The following ROS1 variants were observed in gnomAD, a reference collection of about 807,000 sequenced individuals.
ROS1 encodes ROS proto-oncogene 1, receptor tyrosine kinase, also known as proto-oncogene tyrosine-protein kinase ROS.
In ROS1, 263 loss-of-function variants were observed where a neutral mutation model predicts 273.5. The ratio of observed to expected loss-of-function variants is 0.96; its 90% CI spans 0.87 to 1.06. ROS1 has a LOEUF of 1.06. Ranked by LOEUF, ROS1 falls within the 50% of genes least tolerant of loss-of-function variation. The pLI, the probability that ROS1 is intolerant of heterozygous loss-of-function variation, is 0.00. For missense variants in ROS1, 2,833 were observed against 2,751.1 expected (o/e 1.03, Z -0.67); for synonymous variants, 1,008 against 954.1 (o/e 1.06, Z -1.04).
intron 12 of ROS1, among the ~76,000 whole-genome samples, chr6:117,392,594 T>C (rs1220462313): frequency 6.6e-6 from 1 of 152,218 alleles, no homozygotes; most frequent in Non-Finnish European, 1.5e-5. Flanking sequence ...ACTGGGTAAG[T>C]ATTATTACCT....
At chr6:117,372,023 G>T (rs891664485) in intron 18 of ROS1, among the ~76,000 whole-genome samples, 1 of 152,068 alleles carries the variant, frequency 6.6e-6, no homozygotes, top group African/African-American at 2.4e-5. Flanking sequence ...TCTCTTGGGG[G>T]CTCTATAGCC....
chr6:117,374,518 C>T (rs1387644927), intron 18 of ROS1, among the ~76,000 whole-genome samples: 1 of 152,172 alleles, frequency 6.6e-6, no homozygotes, highest in African/African-American at 2.4e-5. Context: ...AAAACCTTAA[C>T]AATTCTAGAA....
chr6:117,332,409 C>T (rs920722809), intron 32 of ROS1, among the ~76,000 whole-genome samples: 3 of 152,158 alleles, frequency 2.0e-5, no homozygotes, highest in African/African-American at 7.2e-5. Flanking sequence ...AACTTCAACA[C>T]CCCACTGCCA....
intron 36 of ROS1, 133 bp downstream of exon 36, chr6:117,321,126 G>C (rs983475459): frequency 1.1e-6 from 1 of 898,578 alleles, no homozygotes; most frequent in Non-Finnish European, 1.6e-6. Context: ...GGAAGAGGAA[G>C]TTATTAATAA....
At chr6:117,342,597 T>C (rs1778034655) in intron 28 of ROS1, 53 bp from the exon 29 acceptor site, 1 of 1,137,518 alleles carries the variant, frequency 8.8e-7, no homozygotes, top group Non-Finnish European at 1.2e-6. Context: ...TTTATACAAA[T>C]TGGTAGAAAT....
intron 29 of ROS1, 106 bp downstream of exon 29, chr6:117,342,290 AGCTT>A: frequency 9.3e-7 from 1 of 1,077,172 alleles, no homozygotes; most frequent in East Asian, 2.5e-5. Flanking sequence ...AACTTAAAAA[AGCTT>A]ACTAAAATTA....
intron 28 of ROS1, 53 bp downstream of exon 28, chr6:117,344,007 T>A (rs1778161942): frequency 3.4e-6 from 5 of 1,469,498 alleles, no homozygotes; most frequent in Non-Finnish European, 4.7e-6. Context: ...CATAATTTTA[T>A]ATCAAAAAAG....
chr6:117,355,811 A>ATGT (rs1408784150), intron 26 of ROS1, among the ~76,000 whole-genome samples: 1 of 151,920 alleles, frequency 6.6e-6, no homozygotes, highest in Non-Finnish European at 1.5e-5. Flanking sequence ...GGGCTTCACC[A>ATGT]TGTTGGCCAG....
intron 31 of ROS1, among the ~76,000 whole-genome samples, chr6:117,339,619 T>G (rs1777762274): frequency 6.6e-6 from 1 of 152,144 alleles, no homozygotes; most frequent in South Asian, 2.1e-4. Context: ...TTTACTGTAC[T>G]CATAGTTAGT....
At chr6:117,328,107 G>C (rs536985478) in intron 33 of ROS1, among the ~76,000 whole-genome samples, 1 of 152,264 alleles carries the variant, frequency 6.6e-6, no homozygotes, top group South Asian at 2.1e-4. Flanking sequence ...AAACTAATAA[G>C]GCTTGTTCAA....
intron 27 of ROS1, among the ~76,000 whole-genome samples, chr6:117,344,543 T>A (rs1305160757): frequency 6.6e-6 from 1 of 152,208 alleles, no homozygotes; most frequent in Non-Finnish European, 1.5e-5. Context: ...TCTGATATTG[T>A]TCAGGGCAGT....
intron 2 of ROS1, among the ~76,000 whole-genome samples, chr6:117,417,639 T>A (rs1775433535): frequency 6.6e-6 from 1 of 152,180 alleles, no homozygotes; most frequent in Non-Finnish European, 1.5e-5. Flanking sequence ...AATTGGTATG[T>A]AACTTGGCAA....
chr6:117,424,192 G>T (rs761511996), intron 1 of ROS1, among the ~76,000 whole-genome samples: 1 of 152,058 alleles, frequency 6.6e-6, no homozygotes, highest in Non-Finnish European at 1.5e-5. Context: ...TCATATAATG[G>T]AATACTCTAA....
At chr6:117,290,085 A>T (rs1353009992) in intron 43 of ROS1, among the ~76,000 whole-genome samples, 5 of 152,338 alleles carry the variant, frequency 3.3e-5, no homozygotes, top group East Asian at 1.9e-4. Context: ...TAAATCTACA[A>T]TATAGTCTAC....
chr6:117,422,674 T>G (rs543077577), intron 1 of ROS1, among the ~76,000 whole-genome samples: 1 of 152,116 alleles, frequency 6.6e-6, no homozygotes, highest in Admixed American at 6.6e-5. Flanking sequence ...TTTCAGTTGA[T>G]TTTCAGTTTA....
At chr6:117,409,544 T>C in intron 5 of ROS1, 38 bp downstream of exon 5, 1 of 1,464,510 alleles carries the variant, frequency 6.8e-7, no homozygotes, top group South Asian at 1.1e-5. Flanking sequence ...ACTAGAGTGG[T>C]GCAGCCTATT....
intron 41 of ROS1, among the ~76,000 whole-genome samples, chr6:117,309,532 C>T (rs1242223900): frequency 3.3e-5 from 5 of 152,076 alleles, no homozygotes; most frequent in South Asian, 2.1e-4. Context: ...TTATCTCATT[C>T]GTAATTTTGC....
chr6:117,300,082 C>G (rs1344828019), intron 43 of ROS1, among the ~76,000 whole-genome samples: 2 of 90,274 alleles, frequency 2.2e-5, no homozygotes, highest in African/African-American at 8.4e-5. Context: ...GCCACCAGGA[C>G]AGGCTTTTTT....
At chr6:117,322,470 C>T (rs1776350780) in intron 35 of ROS1, among the ~76,000 whole-genome samples, 1 of 152,070 alleles carries the variant, frequency 6.6e-6, no homozygotes, top group Admixed American at 6.6e-5. Context: ...ACATATCTTG[C>T]TATTTGTCTT....
Sources: allele counts gnomAD v4.1 joint callset (sites outside exome capture counted in the v4.1 genomes callset), GRCh38; gene constraint gnomAD v4.1.1; transcripts MANE v1.5; gene names NCBI Gene and HGNC (gene_info 2026-07-23, HGNC 2026-07-21).